ABHD6: variants seen among roughly 807,000 people sequenced by gnomAD.
ABHD6 encodes monoacylglycerol lipase ABHD6.
A neutral mutation model predicts 38.8 loss-of-function variants in ABHD6; 33 were observed. The ratio of observed to expected loss-of-function variants is 0.85; its 90% CI spans 0.64 to 1.14. The LOEUF (loss-of-function observed/expected upper bound fraction) is 1.14, where lower values mean the gene tolerates loss of function less well. ABHD6 is among the 50% of genes most tolerant of loss of function. The pLI is 0.00. For missense variants in ABHD6, 380 were observed against 422.6 expected, an observed-to-expected ratio of 0.90 and a Z score of 0.88; for synonymous variants, 147 against 161.6, an observed-to-expected ratio of 0.91 and a Z score of 0.69.
At chr3:58,243,876 C>T (rs1213784583) in intron 1 of ABHD6, among the ~76,000 whole-genome samples, 5 of 152,050 alleles carry the variant, frequency 3.3e-5, no homozygotes, top group Non-Finnish European at 7.4e-5. Flanking sequence ...GTTGTCCAGG[C>T]TGGTCTCAAA....
In ABHD6 at chr3:58,238,288, CCT is replaced by C. The variant is rs2097420477; in HGVS notation, c.-91+373_-91+374del. The C allele has an allele frequency of 6.6e-6, 1 of 152,358 alleles. No individual in the cohort carries two copies. The highest frequency in any genetic ancestry group is 1.5e-5 in the Non-Finnish European group (1 of 68,164). 9.4% of individuals were successfully genotyped at this position (152,358 alleles called of 1,614,324 possible). ...CGAGAGGATTTTGGGGTCCTGCAGC[CCT>C]GTTTCCCCCATTTCCTGGAGAAGGA... is the stretch of plus-strand genomic sequence containing the variant. On this transcript the variant is annotated intron_variant, in intron 1 of 9. Transcript: ENST00000478253. This position sits in a 1 kb window ranked among gnomAD's most constrained non-coding sequence, Gnocchi z 6.9.
At position 58,256,985 on chromosome 3, in the gene ABHD6, C is replaced by T. The variant is rs545266641; in HGVS notation, c.119+280C>T. ...GTGGGATGATCTCAGCTCACTGCAA[C>T]CTCCACCTCCTGGCTTCAATCAATT... On this transcript the variant is annotated intron_variant, in intron 3 of 9. Transcript: ENST00000478253. The surrounding 1 kb of genome is among the most constrained non-coding windows in gnomAD (Gnocchi z 4.3). 6.6e-6 allele frequency among the ~76,000 whole-genome samples: 1 copy of T among 152,214 alleles called. No homozygotes were observed. Among genetic ancestry groups the T allele is most frequent in the South Asian group, 2.1e-4 (1 of 4,822 alleles).
At chr3:58,250,797 G>C (rs1387831938) in intron 2 of ABHD6, among the ~76,000 whole-genome samples, 1 of 152,168 alleles carries the variant, frequency 6.6e-6, no homozygotes, top group Non-Finnish European at 1.5e-5. Flanking sequence ...TTGAGCACTT[G>C]AAGTGTGGCT....
intron 7 of ABHD6, among the ~76,000 whole-genome samples, chr3:58,282,644 G>A (rs1474943441): frequency 6.6e-6 from 1 of 152,190 alleles, no homozygotes; most frequent in Non-Finnish European, 1.5e-5. Flanking sequence ...GCTGAGGTGA[G>A]AGGATCACCT....
intron 7 of ABHD6, among the ~76,000 whole-genome samples, chr3:58,283,543 C>T (rs2097454828): frequency 6.6e-6 from 1 of 152,098 alleles, no homozygotes; most frequent in Non-Finnish European, 1.5e-5. Context: ...GAGAGGATGC[C>T]TGGATAATGC....
In ABHD6 at chr3:58,261,052, C is replaced by T. The variant is rs115808725; in HGVS notation, c.119+4347C>T. Among the ~76,000 whole-genome samples the T allele has an allele frequency of 8.0e-3, 1,223 of 152,198 alleles. 17 individuals are homozygous for T. The highest frequency in any genetic ancestry group is 0.024 in the African/African-American group (1,012 of 41,526). On this transcript the variant is annotated intron_variant, in intron 3 of 9. Transcript: ENST00000478253. ...CACACCGGGGATGCTGTGGCCACTG[C>T]GGATGACATCAGGTCTGATTTTCAT... is the stretch of plus-strand genomic sequence containing the variant.
At position 58,293,084 on chromosome 3, in the gene ABHD6, C is replaced by T. The variant is rs1164573873; in HGVS notation, c.838-505C>T. On this transcript the variant is annotated intron_variant, in intron 9 of 9. Coordinates refer to ENST00000478253, the MANE Select transcript of ABHD6 (RefSeq NM_001320126.2). This position sits in a 1 kb window ranked among gnomAD's most constrained non-coding sequence, Gnocchi z 4.4. ...GTGTGGCTGTAGGAGCAGCGCCCTCCTCTCTGCCCCTTCTCCCCACCATGC... is the reference window on the plus strand; with the variant it reads ...GTGTGGCTGTAGGAGCAGCGCCCTCTTCTCTGCCCCTTCTCCCCACCATGC... Among the ~76,000 whole-genome samples the T allele has an allele frequency of 6.6e-6, 1 of 152,144 alleles. No individual in the cohort carries two copies. The highest frequency in any genetic ancestry group is 1.9e-4 in the East Asian group (1 of 5,182).
chr3:58,289,397 G>T (rs1202827290), intron 9 of ABHD6, among the ~76,000 whole-genome samples: 1 of 150,776 alleles, frequency 6.6e-6, no homozygotes, highest in Non-Finnish European at 1.5e-5. Context: ...CGCAGTGTTT[G>T]TGTCCCTGGG....
At chr3:58,262,006 A>G (rs2097437322) in intron 3 of ABHD6, among the ~76,000 whole-genome samples, 1 of 152,238 alleles carries the variant, frequency 6.6e-6, no homozygotes. Context: ...TTCAGCCTTA[A>G]AAAGGAATGA....
At chr3:58,258,551 C>T (rs145823283) in intron 3 of ABHD6, 184 of 310,632 alleles carry the variant, frequency 5.9e-4, no homozygotes, top group African/African-American at 3.7e-3. Flanking sequence ...TGAAATTGCC[C>T]TTCCCACCCC....
At position 58,237,816 on chromosome 3, in the gene ABHD6, G is replaced by T. The variant is rs12493829; in HGVS notation, c.-191G>T. The T allele has an allele frequency of 4.6e-5, 7 of 151,988 alleles. No individual in the cohort carries two copies. The highest frequency in any genetic ancestry group is 1.2e-4 in the African/African-American group (5 of 41,510). 9.4% of individuals were successfully genotyped at this position (151,988 alleles called of 1,614,324 possible). A position where few individuals can be genotyped will look rare whatever the true frequency, so the allele number is the denominator to read the frequency against. ...TGGGCTGGGCGCCGGAGCTGGGAGC[G>T]GCGCGGGTAGGAGCCCGGCGGCAGG... is the stretch of plus-strand genomic sequence containing the variant. On this transcript the variant is annotated 5_prime_UTR_variant, in exon 1 of 10. Coordinates refer to ENST00000478253, the MANE Select transcript of ABHD6 (RefSeq NM_001320126.2).
intron 7 of ABHD6, among the ~76,000 whole-genome samples, chr3:58,282,197 C>T (rs13097873): frequency 0.093 from 14,079 of 152,010 alleles, 757 homozygotes; most frequent in African/African-American, 0.13. Flanking sequence ...TCCTGTAGGA[C>T]CTTATAGGTA....
At position 58,269,407 on chromosome 3, in the gene ABHD6, A is replaced by C. The variant is rs1420166890; in HGVS notation, c.363A>C (p.Ile121=). ...GCTCCTCCCTGGATGACCTGTCCATAGATGGGCAAGTTAAGAGGATACACC... is the reference window on the plus strand; with the variant it reads ...GCTCCTCCCTGGATGACCTGTCCATCGATGGGCAAGTTAAGAGGATACACC... ...TTRSSLDDLS[I]DGQVKRIHQF... is the part of the protein sequence containing the mutation. Residue 121 remains isoleucine, a synonymous_variant, in exon 5 of 10, where the codon ATA becomes ATC. Transcript: ENST00000478253. The surrounding 1 kb of genome is among the most constrained non-coding windows in gnomAD (Gnocchi z 4.4). The C allele has an allele frequency of 6.2e-7, 1 of 1,613,846 alleles. No individual in the cohort carries two copies. The highest frequency in any genetic ancestry group is 1.7e-5 in the Admixed American group (1 of 60,002).
At chr3:58,252,614 T>C (rs1302349138) in intron 2 of ABHD6, among the ~76,000 whole-genome samples, 1 of 152,226 alleles carries the variant, frequency 6.6e-6, no homozygotes, top group Non-Finnish European at 1.5e-5. Context: ...TGTTATCTAA[T>C]GCTGTGTACC....
At position 58,289,137 on chromosome 3, in the gene ABHD6, C is replaced by A. The variant is rs2097459602; in HGVS notation, c.837+3684C>A. 3.9e-5 allele frequency among the ~76,000 whole-genome samples: 6 copies of A among 152,316 alleles called. No individual in the cohort carries two copies. In the South Asian group the frequency reaches 1.2e-3, roughly 32 times the overall value. ...TGGCTCAATCATAGCTCACTGCAGC[C>A]TCAACCTCCTGAGCTCAAGCAATGC... On this transcript the variant is annotated intron_variant, in intron 9 of 9. Transcript: ENST00000478253.
chr3:58,279,748 T>A (rs527644316), intron 7 of ABHD6, among the ~76,000 whole-genome samples: 38 of 152,358 alleles, frequency 2.5e-4, no homozygotes, highest in African/African-American at 7.7e-4. Context: ...TTTCCATGTT[T>A]AGTGCTTCCT....
chr3:58,240,143 C>G (rs1235947793), intron 1 of ABHD6, among the ~76,000 whole-genome samples: 1 of 151,634 alleles, frequency 6.6e-6, no homozygotes, highest in Non-Finnish European at 1.5e-5. Context: ...AAAAGTAAGA[C>G]CCAGTCTCAA....
chr3:58,286,822 ATGTGTGTGTGTGTG>A (rs56020810), intron 9 of ABHD6, among the ~76,000 whole-genome samples: 1 of 74,768 alleles, frequency 1.3e-5, no homozygotes, highest in South Asian at 5.2e-4. Context: ...AAGATCATAT[ATGTGTGTGTGTGTG>A]TGTGTGTGTG....
chr3:58,243,714 G>T (rs946929725), intron 1 of ABHD6, among the ~76,000 whole-genome samples: 1 of 151,728 alleles, frequency 6.6e-6, no homozygotes, highest in Non-Finnish European at 1.5e-5. Context: ...AGGCTGGAGC[G>T]CAGTGGCACG....
Sources: allele counts gnomAD v4.1 joint callset (sites outside exome capture counted in the v4.1 genomes callset), GRCh38; gene constraint gnomAD v4.1.1; non-coding constraint Gnocchi (gnomAD v3.1); transcripts MANE v1.5; gene names NCBI Gene and HGNC (gene_info 2026-07-23, HGNC 2026-07-21).